SPAG16: variants seen among roughly 807,000 people sequenced by gnomAD.
SPAG16 encodes the protein sperm associated antigen 16, also known as sperm-associated antigen 16 protein.
In SPAG16, 86 loss-of-function variants were observed where a neutral mutation model predicts 80.4. That is an observed-to-expected ratio of 1.07 (90% confidence interval 0.90 to 1.28). The LOEUF (loss-of-function observed/expected upper bound fraction) is 1.28. Among genes scored for constraint, SPAG16 ranks in the 50% most tolerant of loss-of-function variants. The pLI is 0.00. For missense variants in SPAG16, 870 were observed against 765.3 expected (o/e 1.14, Z -1.61); for synonymous variants, 294 against 265.9 (o/e 1.11, Z -1.03).
intron 10 of SPAG16, among the ~76,000 whole-genome samples, chr2:213,626,898 T>C (rs747712843): frequency 5.9e-5 from 9 of 152,130 alleles, no homozygotes; most frequent in Non-Finnish European, 1.2e-4. Flanking sequence ...TCCTCCCACC[T>C]TGGCTTCCCA....
intron 10 of SPAG16, among the ~76,000 whole-genome samples, chr2:213,672,637 G>A (rs2063856001): frequency 6.6e-6 from 1 of 151,574 alleles, no homozygotes; most frequent in Non-Finnish European, 1.5e-5. Context: ...ATATATTTTT[G>A]CATCCCTTCT....
intron 12 of SPAG16, among the ~76,000 whole-genome samples, chr2:213,973,292 G>T (rs551905122): frequency 6.6e-6 from 1 of 151,962 alleles, no homozygotes; most frequent in African/African-American, 2.4e-5. Context: ...AGTCAGTTGT[G>T]TGTCTTAATG....
intron 11 of SPAG16, among the ~76,000 whole-genome samples, chr2:213,865,741 C>CAT (rs1333745434): frequency 6.8e-6 from 1 of 146,564 alleles, no homozygotes; most frequent in Non-Finnish European, 1.5e-5. Context: ...AAATAATATA[C>CAT]ATATATACAT....
At chr2:213,477,233 T>C (rs2073453068) in intron 9 of SPAG16, among the ~76,000 whole-genome samples, 1 of 152,126 alleles carries the variant, frequency 6.6e-6, no homozygotes, top group African/African-American at 2.4e-5. Context: ...GGCTTGAAGG[T>C]CAAGTTTCAC....
intron 10 of SPAG16, among the ~76,000 whole-genome samples, chr2:213,496,503 G>A (rs549515698): frequency 6.6e-6 from 1 of 152,166 alleles, no homozygotes; most frequent in Admixed American, 6.5e-5. Flanking sequence ...GCTGCCTAGC[G>A]AACAGGTTCA....
At chr2:213,926,696 T>G (rs2078496816) in intron 11 of SPAG16, among the ~76,000 whole-genome samples, 1 of 152,296 alleles carries the variant, frequency 6.6e-6, no homozygotes, top group South Asian at 2.1e-4. Context: ...TGTTATTTCC[T>G]TATATACTTT....
intron 13 of SPAG16, among the ~76,000 whole-genome samples, chr2:214,075,604 C>G (rs538057114): frequency 6.6e-6 from 1 of 152,182 alleles, no homozygotes; most frequent in Admixed American, 6.5e-5. Context: ...CAAAATAAAA[C>G]AGAAATATGC....
chr2:213,685,335 A>G (rs950982236), intron 10 of SPAG16, among the ~76,000 whole-genome samples: 5 of 152,212 alleles, frequency 3.3e-5, no homozygotes, highest in Non-Finnish European at 7.3e-5. Flanking sequence ...ATGGACATGC[A>G]GAGGAAAGAC....
intron 15 of SPAG16, among the ~76,000 whole-genome samples, chr2:214,299,529 G>GA (rs1229150369): frequency 6.6e-6 from 1 of 152,084 alleles, no homozygotes; most frequent in East Asian, 1.9e-4. Context: ...TTACAGGCAT[G>GA]AGCCACCGTG....
chr2:213,656,969 G>A (rs552442918), intron 10 of SPAG16, among the ~76,000 whole-genome samples: 77 of 152,168 alleles, frequency 5.1e-4, no homozygotes, highest in African/African-American at 1.7e-3. Flanking sequence ...CTGTCTGAAC[G>A]TTTCATTTCT....
chr2:213,429,788 ATGGCTC>A (rs1355632782), intron 9 of SPAG16, among the ~76,000 whole-genome samples: 5 of 152,204 alleles, frequency 3.3e-5, no homozygotes, highest in Non-Finnish European at 5.9e-5. Context: ...GCAAAGCCAA[ATGGCTC>A]TACTCAGTAT....
chr2:213,697,469 A>T (rs1289336317), intron 10 of SPAG16, among the ~76,000 whole-genome samples: 1 of 152,184 alleles, frequency 6.6e-6, no homozygotes. Flanking sequence ...GAATCTATGA[A>T]TGTTACCTTA....
intron 15 of SPAG16, among the ~76,000 whole-genome samples, chr2:214,339,567 C>A (rs969094509): frequency 1.3e-5 from 2 of 152,266 alleles, no homozygotes; most frequent in Non-Finnish European, 2.9e-5. Context: ...AGGAGTAGAA[C>A]GTCTCTATTT....
chr2:213,465,141 C>T (rs901175133), intron 9 of SPAG16, among the ~76,000 whole-genome samples: 9 of 152,096 alleles, frequency 5.9e-5, no homozygotes, highest in African/African-American at 1.9e-4. Flanking sequence ...TGTTAATTTC[C>T]CGATGGTACT....
intron 15 of SPAG16, among the ~76,000 whole-genome samples, chr2:214,358,272 T>C (rs576245055): frequency 3.7e-4 from 56 of 151,952 alleles, no homozygotes; most frequent in African/African-American, 1.3e-3. Context: ...CCAAGCTTGG[T>C]TTTCTTTCCC....
chr2:214,184,560 T>A (rs1297631638), intron 15 of SPAG16, among the ~76,000 whole-genome samples: 5 of 152,086 alleles, frequency 3.3e-5, no homozygotes, highest in African/African-American at 1.2e-4. Flanking sequence ...TGAGGCTAAC[T>A]ATTGCTTGAA....
chr2:213,728,577 A>G (rs1308523510), intron 10 of SPAG16, among the ~76,000 whole-genome samples: 2 of 152,090 alleles, frequency 1.3e-5, no homozygotes, highest in East Asian at 1.9e-4. Context: ...TGCTTTATAC[A>G]AAAAGGAGAT....
intron 10 of SPAG16, among the ~76,000 whole-genome samples, chr2:213,861,111 T>C (rs1304753257): frequency 6.6e-6 from 1 of 152,218 alleles, no homozygotes; most frequent in African/African-American, 2.4e-5. Context: ...ACTGTGTTTA[T>C]TTTGAGCAGC....
intron 10 of SPAG16, among the ~76,000 whole-genome samples, chr2:213,564,480 G>T (rs945200182): frequency 6.7e-6 from 1 of 148,228 alleles, no homozygotes; most frequent in African/African-American, 2.5e-5. Flanking sequence ...GGGGGACAGA[G>T]TGGGACTCTG....
Sources: allele counts gnomAD v4.1 joint callset (sites outside exome capture counted in the v4.1 genomes callset), GRCh38; gene constraint gnomAD v4.1.1; transcripts MANE v1.5; gene names NCBI Gene and HGNC (gene_info 2026-07-23, HGNC 2026-07-21).